The following HIPK2 variants were observed in gnomAD, a reference collection of about 807,000 sequenced individuals.
HIPK2 encodes homeodomain-interacting protein kinase 2.
Under a neutral mutation model 113.7 loss-of-function variants are expected in HIPK2, and 27 were observed. That is an observed-to-expected ratio of 0.24 (90% CI 0.17 to 0.33). HIPK2 has a LOEUF of 0.33. HIPK2 is among the 10% of genes least tolerant of loss of function. The pLI, the probability that HIPK2 is intolerant of heterozygous loss-of-function variation, is 1.00. For synonymous variants in HIPK2, 631 were observed against 642.2 expected (o/e 0.98, Z 0.26); for missense variants, 1,257 against 1,588.0 (o/e 0.79, Z 3.54).
chr7:139,683,166 C>G lies in HIPK2; in HGVS notation c.1103+32766G>C, dbSNP rs527293466. ...TTACCTGGAAGGGCCTGGCTCTCACCTCGGAGCCTGGACGTGACCTGCTTC... is the reference window on the plus strand; with the variant it reads ...TTACCTGGAAGGGCCTGGCTCTCACGTCGGAGCCTGGACGTGACCTGCTTC... On this transcript the variant is annotated intron_variant, in intron 2 of 14. Coordinates refer to ENST00000406875, the MANE Select transcript of HIPK2 (RefSeq NM_022740.5). The surrounding 1 kb of genome is among the most constrained non-coding windows in gnomAD (Gnocchi z 4.2). Among the ~76,000 whole-genome samples, 115 of 152,304 alleles carry G rather than the reference C, an allele frequency of 7.6e-4. No homozygotes were observed. Among genetic ancestry groups the G allele is most frequent in the African/African-American group, 2.6e-3 (110 of 41,560 alleles).
chr7:139,748,515 G>A (rs1167488848), intron 1 of HIPK2, among the ~76,000 whole-genome samples: 1 of 151,870 alleles, frequency 6.6e-6, no homozygotes, highest in Non-Finnish European at 1.5e-5. Context: ...CTAGTTTCCG[G>A]TGGGCGCTGG....
chr7:139,725,838 C>T (rs147806145), intron 1 of HIPK2, among the ~76,000 whole-genome samples: 78 of 152,346 alleles, frequency 5.1e-4, no homozygotes, highest in African/African-American at 1.7e-3. Flanking sequence ...TTCGCCTCTG[C>T]TAGCAGGGCT....
intron 2 of HIPK2, among the ~76,000 whole-genome samples, chr7:139,704,002 C>T (rs1275331224): frequency 1.5e-5 from 2 of 134,002 alleles, no homozygotes; most frequent in East Asian, 4.8e-4. Context: ...ACACACCACA[C>T]CCAACATATA....
At chr7:139,573,419 A>G (rs1798378812) in intron 14 of HIPK2, 22 bp from the exon 15 acceptor site, 1 of 1,597,844 alleles carries the variant, frequency 6.3e-7, no homozygotes, top group Non-Finnish European at 8.5e-7. Flanking sequence ...AGGCACCAAG[A>G]GAGACGTCAG....
In HIPK2 at chr7:139,751,722, ATAAT is replaced by A. The variant is rs1369562956; in HGVS notation, c.19+25879_19+25882del. 3.3e-5 allele frequency among the ~76,000 whole-genome samples: 5 copies of A among 152,286 alleles called. No homozygotes were observed. In the South Asian group the frequency reaches 1.0e-3, roughly 32 times the overall value. ...CATGCATTGAGAGATATGAGAGTAA[ATAAT>A]TAATGACTAAGGGCTTGAGAAGGCA... On this transcript the variant is annotated intron_variant, in intron 1 of 14. Transcript: ENST00000406875.
At chr7:139,698,626 C>T (rs1174478283) in intron 2 of HIPK2, among the ~76,000 whole-genome samples, 4 of 152,174 alleles carry the variant, frequency 2.6e-5, no homozygotes, top group African/African-American at 9.7e-5. Context: ...ATTTATGAAA[C>T]AAAAATCCTG....
chr7:139,637,413 T>C (rs1800849698), intron 2 of HIPK2, among the ~76,000 whole-genome samples: 1 of 152,232 alleles, frequency 6.6e-6, no homozygotes, highest in South Asian at 2.1e-4. Context: ...GTTGGTTTCC[T>C]TTCCATTTGC....
intron 13 of HIPK2, among the ~76,000 whole-genome samples, chr7:139,575,641 G>A (rs1798466517): frequency 6.6e-6 from 1 of 152,230 alleles, no homozygotes; most frequent in Non-Finnish European, 1.5e-5. Flanking sequence ...GGGTAGGAGA[G>A]ATCTGCTATA....
chr7:139,575,695 C>T (rs551813375), intron 13 of HIPK2, among the ~76,000 whole-genome samples: 1 of 152,276 alleles, frequency 6.6e-6, no homozygotes, highest in South Asian at 2.1e-4. Context: ...AAACTTAGTC[C>T]CCAGTGCAAG....
Position 139,620,466 on chromosome 7 carries a change from C to T in HIPK2, c.1717G>A (p.Ala573Thr). The T allele has an allele frequency of 6.2e-7, 1 of 1,613,978 alleles. No individual in the cohort carries two copies. Among genetic ancestry groups the T allele is most frequent in the Non-Finnish European group, 8.5e-7 (1 of 1,179,920 alleles). Reference sequence around the variant, plus strand: ...GTCAGGTTGGTGGACGTGCTGGGGGCCACGTGCGTGATGAAAGGGGTTTTG... The same window carrying T: ...GTCAGGTTGGTGGACGTGCTGGGGGTCACGTGCGTGATGAAAGGGGTTTTG... ...QSKTPFITHV[A>T]PSTSTNLTMT... Residue 573 changes from alanine to threonine, a missense_variant, in exon 7 of 15, where the codon GCC becomes ACC. Ala to Thr is a moderately conservative substitution (Grantham distance 58). Transcript: ENST00000406875.
chr7:139,659,776 T>C (rs567707592), intron 2 of HIPK2, among the ~76,000 whole-genome samples: 1 of 152,302 alleles, frequency 6.6e-6, no homozygotes, highest in East Asian at 1.9e-4. Flanking sequence ...CTTTTCTTCC[T>C]GACACCCTAT....
chr7:139,621,041 G>A (rs1281442188), intron 6 of HIPK2, among the ~76,000 whole-genome samples: 1 of 152,150 alleles, frequency 6.6e-6, no homozygotes, highest in Non-Finnish European at 1.5e-5. Flanking sequence ...CCTAGGGGAC[G>A]GCCAAGGAAC....
At position 139,614,425 on chromosome 7, in the gene HIPK2, A is replaced by G; in HGVS notation, c.1851T>C (p.Ser617=). ...ATGCCGCTGAGGGCTGGTAGAGTGT[A>G]GATGGGTAGTTTAGTATGGAGACTT... The part of the protein sequence containing the change: ...NPEVSILNYP[S]TLYQPSAASM... Residue 617 remains serine, a synonymous_variant, in exon 8 of 15, where the codon TCT becomes TCC. Coordinates refer to ENST00000406875, the MANE Select transcript of HIPK2 (RefSeq NM_022740.5). 6.4e-7 allele frequency: 1 copy of G among 1,554,968 alleles called. No homozygotes were observed. Among genetic ancestry groups the G allele is most frequent in the Non-Finnish European group, 8.7e-7 (1 of 1,144,768 alleles).
In HIPK2 at chr7:139,604,269, T is replaced by C. The variant is rs372227088; in HGVS notation, c.2113-46A>G. On this transcript the variant is annotated intron_variant, in intron 9 of 14. Transcript: ENST00000406875. ...GCAATGACCATGTTTGCTAATCACA[T>C]AATTGATTTGCATGAACCCACACTT... 3.2e-6 allele frequency: 5 copies of C among 1,565,288 alleles called. No individual in the cohort carries two copies. In the African/African-American group the frequency reaches 4.0e-5, roughly 13 times the overall value.
At position 139,644,712 on chromosome 7, in the gene HIPK2, T is replaced by C. The variant is rs538590633; in HGVS notation, c.1104-12987A>G. 1.3e-3 allele frequency among the ~76,000 whole-genome samples: 203 copies of C among 152,370 alleles called. 1 individual carries two copies. Among genetic ancestry groups the C allele is most frequent in the Non-Finnish European group, 2.0e-3 (133 of 68,030 alleles). ...GGAAGGCCTAACCCAAGTCCCACTG[T>C]CACCTGCTGTCACTTTTCAGCTTTC... On this transcript the variant is annotated intron_variant, in intron 2 of 14. Coordinates refer to ENST00000406875, the MANE Select transcript of HIPK2 (RefSeq NM_022740.5).
At position 139,777,905 on chromosome 7, in the gene HIPK2, A is replaced by G. The variant is rs1796820103; in HGVS notation, c.-282T>C. The G allele has an allele frequency of 7.4e-6, 1 of 135,886 alleles. No individual in the cohort carries two copies. Among genetic ancestry groups the G allele is most frequent in the Non-Finnish European group, 1.6e-5 (1 of 62,870 alleles). 8.4% of individuals were successfully genotyped at this position (135,886 alleles called of 1,614,324 possible). On this transcript the variant is annotated 5_prime_UTR_variant, in exon 1 of 15. Transcript: ENST00000406875. ...CGGGCGGGCGGAGCGGCCGAGGCCGAGGCGCCGAGCGGCCGCGGCCCCCGA... is the reference window on the plus strand; with the variant it reads ...CGGGCGGGCGGAGCGGCCGAGGCCGGGGCGCCGAGCGGCCGCGGCCCCCGA...
chr7:139,774,188 G>A (rs942103495), intron 1 of HIPK2, among the ~76,000 whole-genome samples: 1 of 152,172 alleles, frequency 6.6e-6, no homozygotes, highest in African/African-American at 2.4e-5. Flanking sequence ...TCTTTCCCTG[G>A]AGTCATCATG....
At chr7:139,665,058 G>A (rs76040525) in intron 2 of HIPK2, among the ~76,000 whole-genome samples, 4 of 135,662 alleles carry the variant, frequency 2.9e-5, no homozygotes, top group Non-Finnish European at 4.7e-5. Flanking sequence ...TTTTTTTTTA[G>A]ACAGGGTCTT....
chr7:139,677,646 T>A (rs1802549489), intron 2 of HIPK2, among the ~76,000 whole-genome samples: 2 of 152,206 alleles, frequency 1.3e-5, no homozygotes, highest in Non-Finnish European at 2.9e-5. Context: ...TACATAGGTA[T>A]ACATGTGCTA....
Sources: allele counts gnomAD v4.1 joint callset (sites outside exome capture counted in the v4.1 genomes callset), GRCh38; gene constraint gnomAD v4.1.1; non-coding constraint Gnocchi (gnomAD v3.1); transcripts MANE v1.5; gene names NCBI Gene and HGNC (gene_info 2026-07-23, HGNC 2026-07-21).